Variants in VPS53 observed in about 807,000 individuals in gnomAD.
VPS53 encodes vacuolar protein sorting-associated protein 53 homolog.
VPS53 carries 70 observed loss-of-function variants against 107.0 expected under a neutral mutation model. The observed-to-expected ratio is 0.65, with a 90% CI of 0.54 to 0.80. The LOEUF (loss-of-function observed/expected upper bound fraction) is 0.80, where lower values mean the gene tolerates loss of function less well. VPS53 is among the 30% of genes least tolerant of loss of function. The pLI is 0.00. For synonymous variants in VPS53, 409 were observed against 393.3 expected (o/e 1.04, Z -0.47); for missense variants, 917 against 1,049.4 (o/e 0.87, Z 1.74).
At chr17:576,107 A>G (rs1361594607) in intron 13 of VPS53, among the ~76,000 whole-genome samples, 4 of 151,890 alleles carry the variant, frequency 2.6e-5, no homozygotes, top group Non-Finnish European at 5.9e-5. Flanking sequence ...CAGAACCTCA[A>G]TGTGTTCCCA....
intron 12 of VPS53, among the ~76,000 whole-genome samples, chr17:599,342 G>A (rs1340231463): frequency 2.0e-5 from 3 of 152,152 alleles, no homozygotes; most frequent in Non-Finnish European, 2.9e-5. Flanking sequence ...TTGAGAAATC[G>A]GATGGTTGCC....
chr17:623,823 C>T (rs1198714036), intron 10 of VPS53, 149 bp from the exon 11 acceptor site: 1 of 838,984 alleles, frequency 1.2e-6, no homozygotes, highest in South Asian at 3.0e-5. Context: ...AGTCTAAAAC[C>T]TGGGGAATAG....
At chr17:664,973 G>A (rs1157405854) in intron 4 of VPS53, among the ~76,000 whole-genome samples, 2 of 152,092 alleles carry the variant, frequency 1.3e-5, no homozygotes, top group Non-Finnish European at 2.9e-5. Context: ...TGGTGGTGGC[G>A]GGGCTGGAAG....
rs150246585 is a variant in VPS53, at chr17:560,555, T to A, written c.1575A>T (p.Gly525=). The change falls in exon 15 of 22, where the codon GGA becomes GGT. Residue 525 remains glycine (G), a synonymous_variant. Coordinates refer to ENST00000437048, the MANE Select transcript of VPS53 (RefSeq NM_001128159.3). ...GNLPKTTTSS[G]GLTISSLLKE... is the part of the protein sequence containing the mutation. ...TGAGGAGGCTGCTGATAGTCAGTCC[T>A]CCACTGCTGGTTGTGGTTCTGAAGA... 3 of 1,613,854 alleles carry A rather than the reference T, an allele frequency of 1.9e-6. No homozygotes were observed. The highest frequency in any genetic ancestry group is 4.5e-5 in the East Asian group (2 of 44,892).
At chr17:646,873 C>T (rs1158717923) in intron 7 of VPS53, among the ~76,000 whole-genome samples, 1 of 151,836 alleles carries the variant, frequency 6.6e-6, no homozygotes, top group Non-Finnish European at 1.5e-5. Flanking sequence ...TGGAGATCGG[C>T]TCCCACACAC....
chr17:671,738 C>T (rs1393729002), intron 4 of VPS53, among the ~76,000 whole-genome samples: 2 of 149,410 alleles, frequency 1.3e-5, no homozygotes, highest in Admixed American at 1.3e-4. Flanking sequence ...CAGAGTCACG[C>T]TTCGTCGTGG....
chr17:662,857 G>A (rs1338638013), intron 4 of VPS53, among the ~76,000 whole-genome samples: 121 of 90,972 alleles, frequency 1.3e-3, no homozygotes, highest in South Asian at 3.5e-3. Context: ...AAGGAAGGAA[G>A]GAAGGAAGGA....
intron 6 of VPS53, among the ~76,000 whole-genome samples, chr17:654,749 A>AG (rs1053388327): frequency 1.6e-4 from 24 of 148,454 alleles, no homozygotes; most frequent in Admixed American, 2.8e-4. Context: ...AAAAAAAAAA[A>AG]AAAAAGAAAA....
rs1970581203 is a variant in VPS53, at chr17:644,065, G to A, written c.608+9226C>T. On this transcript the variant is annotated intron_variant, in intron 7 of 21. Transcript: ENST00000437048. Reference sequence around the variant, plus strand: ...GTAAGGCTCTTCCATTCTTCATTGGGAGATACTGACTGATGACTAGAAACA... The same window carrying A: ...GTAAGGCTCTTCCATTCTTCATTGGAAGATACTGACTGATGACTAGAAACA... 3.9e-5 allele frequency among the ~76,000 whole-genome samples: 6 copies of A among 152,314 alleles called. 1 individual carries two copies. In the South Asian group the frequency reaches 1.0e-3, roughly 26 times the overall value.
intron 12 of VPS53, among the ~76,000 whole-genome samples, chr17:597,422 G>C (rs982461874): frequency 6.6e-6 from 1 of 152,178 alleles, no homozygotes; most frequent in Non-Finnish European, 1.5e-5. Flanking sequence ...GCAAGGCCAG[G>C]GCTGGTGACG....
rs1006514325 is a variant in VPS53, at chr17:521,685, G to C, written c.2139C>G (p.Ile713Met). 1 of 1,550,958 alleles carries C rather than the reference G, an allele frequency of 6.4e-7. No homozygotes were observed. The highest frequency in any genetic ancestry group is 8.7e-7 in the Non-Finnish European group (1 of 1,146,476). ...GTGCCTTCCTCACCACCTGCGAGCTGATGGAGGGGAGATCGAGCAGGACCA... is the reference window on the plus strand; with the variant it reads ...GTGCCTTCCTCACCACCTGCGAGCTCATGGAGGGGAGATCGAGCAGGACCA... ...LKMVLLDLPS[I>M]SSQVVRKAPA... Residue 713 changes from isoleucine (I) to methionine (M), a missense_variant, in exon 20 of 22, where the codon ATC (isoleucine) becomes ATG (methionine). Ile to Met is a conservative substitution (Grantham distance 10). Transcript: ENST00000437048.
At chr17:541,139 CG>C (rs2151820301) in intron 17 of VPS53, among the ~76,000 whole-genome samples, 1 of 152,298 alleles carries the variant, frequency 6.6e-6, no homozygotes, top group East Asian at 1.9e-4. Flanking sequence ...CTGAGGCTGC[CG>C]GGGTGTTGGC....
chr17:696,363 G>T (rs144238100), intron 4 of VPS53, among the ~76,000 whole-genome samples: 1 of 152,318 alleles, frequency 6.6e-6, no homozygotes, highest in Non-Finnish European at 1.5e-5. Flanking sequence ...AAATTTCAGC[G>T]TAGGATTATA....
intron 4 of VPS53, among the ~76,000 whole-genome samples, chr17:696,878 T>C (rs1032610651): frequency 6.7e-6 from 1 of 148,588 alleles, no homozygotes; most frequent in East Asian, 2.0e-4. Flanking sequence ...CTGCAACCTC[T>C]GGCTCCTGGG....
chr17:547,979 G>C (rs997229104), intron 17 of VPS53, among the ~76,000 whole-genome samples: 1 of 152,114 alleles, frequency 6.6e-6, no homozygotes, highest in Non-Finnish European at 1.5e-5. Context: ...TTTTAAATGG[G>C]GACAGACATT....
At chr17:579,697 A>C (rs1043194764) in intron 13 of VPS53, among the ~76,000 whole-genome samples, 3 of 151,650 alleles carry the variant, frequency 2.0e-5, no homozygotes, top group Non-Finnish European at 2.9e-5. Context: ...GCATTACCAG[A>C]GAACCACCCT....
chr17:663,981 A>G (rs1301078267), intron 4 of VPS53, among the ~76,000 whole-genome samples: 1 of 152,212 alleles, frequency 6.6e-6, no homozygotes, highest in Non-Finnish European at 1.5e-5. Flanking sequence ...AGTGATGAGA[A>G]TAAGGGAGAT....
chr17:635,740 T>C (rs1195032705), intron 7 of VPS53, among the ~76,000 whole-genome samples: 3 of 152,232 alleles, frequency 2.0e-5, no homozygotes, highest in South Asian at 2.1e-4. Context: ...GGCTCTGTTC[T>C]GTTCCATTGA....
chr17:558,237 G>A (rs764732570), intron 15 of VPS53, among the ~76,000 whole-genome samples: 1 of 152,246 alleles, frequency 6.6e-6, no homozygotes, highest in East Asian at 1.9e-4. Flanking sequence ...GAAGGCCAAG[G>A]TGAGTGGATC....
Sources: allele counts gnomAD v4.1 joint callset (sites outside exome capture counted in the v4.1 genomes callset), GRCh38; gene constraint gnomAD v4.1.1; transcripts MANE v1.5; gene names NCBI Gene and HGNC (gene_info 2026-07-23, HGNC 2026-07-21).